Variants in SBSPON observed in about 807,000 individuals in gnomAD.
SBSPON encodes the protein somatomedin B and thrombospondin type 1 domain containing.
SBSPON carries 30 observed loss-of-function variants against 35.8 expected under a neutral mutation model. The observed-to-expected ratio is 0.84, with a 90% CI of 0.63 to 1.14. SBSPON has a LOEUF of 1.14. Ranked by LOEUF, SBSPON falls within the 50% of genes most tolerant of loss-of-function variation. SBSPON has a pLI of 0.00. For missense variants in SBSPON, 364 were observed against 357.7 expected (o/e 1.02, Z -0.14); for synonymous variants, 136 against 135.9 (o/e 1.00, Z 0.00).
At chr8:73,078,151 G>A (rs1226805299) in intron 2 of SBSPON, among the ~76,000 whole-genome samples, 4 of 152,138 alleles carry the variant, frequency 2.6e-5, no homozygotes, top group Admixed American at 1.3e-4. Flanking sequence ...AGAGTGCTGG[G>A]CCCACATGCA....
At position 73,071,794 on chromosome 8, in the gene SBSPON, G is replaced by A. The variant is rs1224977046; in HGVS notation, c.486C>T (p.His162=). ...CACGAAATTACCCAGCATCCTCTGT[G>A]TGTGTAGACCAGTGTGGAGACGTAG... is the stretch of plus-strand genomic sequence containing the variant. ...RQATSPHWST[H]TEDAGYCMEF... The change falls in exon 3 of 5, where the codon CAC becomes CAT. Residue 162 remains histidine (H), a synonymous_variant. Coordinates refer to ENST00000297354, the MANE Select transcript of SBSPON (RefSeq NM_153225.4). The A allele has an allele frequency of 6.3e-7, 1 of 1,595,604 alleles. No individual in the cohort carries two copies. The highest frequency in any genetic ancestry group is 1.7e-5 in the Admixed American group (1 of 59,734).
rs1810691576 is a variant in SBSPON, at chr8:73,081,101, C to T, written c.327G>A (p.Gly109=). 2 of 1,613,316 alleles carry T rather than the reference C, an allele frequency of 1.2e-6. No homozygotes were observed. Among genetic ancestry groups the T allele is most frequent in the Non-Finnish European group, 1.7e-6 (2 of 1,179,632 alleles). The change falls in exon 2 of 5, where the codon GGG becomes GGA. Residue 109 remains glycine, a synonymous_variant. Transcript: ENST00000297354. ...RSVQQEPQNG[G]APCPPLEERA... is the part of the protein sequence containing the mutation. ...TCTCTTCCAGGGGTGGGCAGGGCGC[C>T]CCGCCGTTCTGAGGCTCCTGCTGCA...
chr8:73,087,531 T>C (rs1810855371), intron 1 of SBSPON, among the ~76,000 whole-genome samples: 1 of 152,162 alleles, frequency 6.6e-6, no homozygotes, highest in African/African-American at 2.4e-5. Flanking sequence ...TCGTTTTTTT[T>C]CTTCAAAGCC....
Position 73,081,089 on chromosome 8 carries a change from TGGGCAG to T in SBSPON, c.333_338del (p.Cys112_Pro113del). The T allele has an allele frequency of 6.2e-7, 1 of 1,609,236 alleles. No homozygotes were observed. The highest frequency in any genetic ancestry group is 8.5e-7 in the Non-Finnish European group (1 of 1,176,808). On this transcript the variant is annotated inframe_deletion, in exon 2 of 5. Coordinates refer to ENST00000297354, the MANE Select transcript of SBSPON (RefSeq NM_153225.4). ...GGCAGCCAGCTCTCTCTTCCAGGGG[TGGGCAG>T]GGCGCCCCGCCGTTCTGAGGCTCCT...
chr8:73,077,250 C>T (rs1164283788), intron 2 of SBSPON, among the ~76,000 whole-genome samples: 1 of 152,216 alleles, frequency 6.6e-6, no homozygotes, highest in Non-Finnish European at 1.5e-5. Flanking sequence ...TAATCTGTAG[C>T]AGCAGCCGTA....
At position 73,082,248 on chromosome 8, in the gene SBSPON, TC is replaced by T. The variant is rs1294258348; in HGVS notation, c.215-1036del. On this transcript the variant is annotated intron_variant, in intron 1 of 4. Transcript: ENST00000297354. The stretch of plus-strand genomic sequence containing the variant: ...TAATCAACTTTTAAATTGAATTATT[TC>T]AGGATTTAAAATTAAATATAAGGAA... Among the ~76,000 whole-genome samples, 17 of 152,380 alleles carry T rather than the reference TC, an allele frequency of 1.1e-4. No homozygotes were observed. In the East Asian group the frequency reaches 3.1e-3, roughly 28 times the overall value.
At chr8:73,090,473 C>T (rs1269241158) in intron 1 of SBSPON, among the ~76,000 whole-genome samples, 1 of 152,260 alleles carries the variant, frequency 6.6e-6, no homozygotes, top group Non-Finnish European at 1.5e-5. Flanking sequence ...GCCCAGGAGC[C>T]ACAGTCGGCA....
At position 73,064,945 on chromosome 8, in the gene SBSPON, A is replaced by T. The variant is rs1457762463; in HGVS notation, c.*2396T>A. ...GAGTGCCTGGGGATAGGGCCCTAAG[A>T]CTAAGGTACTTATTAAAAAAGAGTG... On this transcript the variant is annotated 3_prime_UTR_variant, in exon 5 of 5. Coordinates refer to ENST00000297354, the MANE Select transcript of SBSPON (RefSeq NM_153225.4). The T allele has an allele frequency of 6.6e-6, 1 of 152,144 alleles. No homozygotes were observed. The highest frequency in any genetic ancestry group is 6.5e-5 in the Admixed American group (1 of 15,274). 9.4% of individuals were successfully genotyped at this position (152,144 alleles called of 1,614,324 possible). A position where few individuals can be genotyped will look rare whatever the true frequency, so the allele number is the denominator to read the frequency against.
At chr8:73,067,918 T>G (rs1400982886) in intron 4 of SBSPON, among the ~76,000 whole-genome samples, 3 of 151,644 alleles carry the variant, frequency 2.0e-5, no homozygotes, top group Non-Finnish European at 4.4e-5. Context: ...TTTAATTCAT[T>G]GCTACTTTAG....
chr8:73,072,153 A>G (rs1177661519), intron 2 of SBSPON, among the ~76,000 whole-genome samples: 3 of 152,134 alleles, frequency 2.0e-5, no homozygotes, highest in Admixed American at 6.5e-5. Context: ...ACCAGAAGGA[A>G]AGGAAGATGG....
chr8:73,069,266 T>C (rs117752049), intron 4 of SBSPON, among the ~76,000 whole-genome samples: 4,442 of 152,206 alleles, frequency 0.029, 91 homozygotes, highest in Non-Finnish European at 0.045. Flanking sequence ...TTTGGGAATG[T>C]GATCTAAACT....
At chr8:73,070,118 G>A (rs1379635687) in intron 3 of SBSPON, 137 bp from the exon 4 acceptor site, 5 of 540,260 alleles carry the variant, frequency 9.3e-6, no homozygotes, top group East Asian at 3.1e-5. Flanking sequence ...CACAAGTTAC[G>A]TGTCAATCAC....
At chr8:73,069,696 C>T in intron 4 of SBSPON, 109 bp downstream of exon 4, 1 of 901,870 alleles carries the variant, frequency 1.1e-6, no homozygotes, top group South Asian at 1.6e-5. Flanking sequence ...TTTTGACTTC[C>T]CAGTCATCCC....
chr8:73,069,713 T>C (rs1019352154), intron 4 of SBSPON, 92 bp downstream of exon 4: 9 of 1,018,742 alleles, frequency 8.8e-6, no homozygotes, highest in African/African-American at 7.9e-5. Context: ...TCCCTTGATA[T>C]GTTACATACT....
intron 1 of SBSPON, among the ~76,000 whole-genome samples, chr8:73,089,794 G>A (rs1249902589): frequency 6.6e-6 from 1 of 152,154 alleles, no homozygotes; most frequent in Non-Finnish European, 1.5e-5. Context: ...TCTACCACAT[G>A]CCAGGTGCAG....
chr8:73,089,360 C>G (rs1810891189), intron 1 of SBSPON, among the ~76,000 whole-genome samples: 1 of 152,116 alleles, frequency 6.6e-6, no homozygotes, highest in East Asian at 1.9e-4. Flanking sequence ...TTGAAACCAG[C>G]CTGGCCAACA....
chr8:73,082,597 A>C (rs1174804403), intron 1 of SBSPON, among the ~76,000 whole-genome samples: 2 of 152,364 alleles, frequency 1.3e-5, no homozygotes, highest in Admixed American at 6.5e-5. Flanking sequence ...ATCACATGTC[A>C]ACTACCTAAA....
At chr8:73,067,526 T>G (rs1810411922) in intron 4 of SBSPON, 68 bp from the exon 5 acceptor site, 2 of 970,554 alleles carry the variant, frequency 2.1e-6, no homozygotes, top group Non-Finnish European at 3.2e-6. Context: ...ATTTACAGAA[T>G]TAAAACTCGG....
chr8:73,073,826 C>CA (rs1195734336), intron 2 of SBSPON, among the ~76,000 whole-genome samples: 428 of 149,374 alleles, frequency 2.9e-3, no homozygotes, highest in African/African-American at 9.4e-3. Context: ...AAAACAAAAA[C>CA]AAAAAAAAAC....
Sources: gnomAD v4.1 joint callset for allele counts (sites outside exome capture counted in the v4.1 genomes callset) on GRCh38, gnomAD v4.1.1 for gene constraint, MANE v1.5 for transcripts, NCBI Gene and HGNC (gene_info 2026-07-23, HGNC 2026-07-21) for gene names.